The following CLEC3A variants were observed in gnomAD, a reference collection of about 807,000 sequenced individuals.
CLEC3A encodes the protein C-type (calcium dependent, carbohydrate-recognition domain) lectin, superfamily member 1 (cartilage-derived).
Under a neutral mutation model 20.4 loss-of-function variants are expected in CLEC3A, and 28 were observed. That is an observed-to-expected ratio of 1.37 (90% CI 1.02 to 1.88). The LOEUF is 1.88. Ranked by LOEUF, CLEC3A falls within the 40% of genes most tolerant of loss-of-function variation. The pLI, the probability that CLEC3A is intolerant of heterozygous loss-of-function variation, is 0.00. For synonymous variants in CLEC3A, 110 were observed against 88.1 expected, an observed-to-expected ratio of 1.25 and a Z score of -1.39; for missense variants, 357 against 240.4, an observed-to-expected ratio of 1.48 and a Z score of -3.21.
intron 1 of CLEC3A, among the ~76,000 whole-genome samples, chr16:78,026,277 G>T (rs1057124067): frequency 1.1e-4 from 16 of 152,220 alleles, no homozygotes; most frequent in African/African-American, 3.9e-4. Flanking sequence ...TAAGGGGACA[G>T]TGAATTAGCA....
Position 78,030,483 on chromosome 16 carries a change from A to G in CLEC3A, c.236A>G (p.Tyr79Cys). The G allele has an allele frequency of 6.2e-7, 1 of 1,611,774 alleles. No homozygotes were observed. Reference sequence around the variant, plus strand: ...GGCACTAAAGTTCACAAGAAATGCTACCTTGCTTCAGAAGGTTTGAAGCAT... The same window carrying G: ...GGCACTAAAGTTCACAAGAAATGCTGCCTTGCTTCAGAAGGTTTGAAGCAT... ...LRGTKVHKKC[Y>C]LASEGLKHFH... Residue 79 changes from tyrosine (Y) to cysteine (C), a missense_variant, in exon 3 of 3, where the codon TAC becomes TGC. Tyr to Cys is a radical substitution (Grantham distance 194, BLOSUM62 -2). Coordinates refer to ENST00000299642, the MANE Select transcript of CLEC3A (RefSeq NM_005752.6).
At chr16:78,023,014 C>G (rs1194865600) in intron 1 of CLEC3A, among the ~76,000 whole-genome samples, 1 of 151,934 alleles carries the variant, frequency 6.6e-6, no homozygotes, top group African/African-American at 2.4e-5. Context: ...GTTAGGTGGG[C>G]TTAAATAGAA....
intron 1 of CLEC3A, among the ~76,000 whole-genome samples, chr16:78,025,331 G>T (rs2018798466): frequency 6.6e-6 from 1 of 152,078 alleles, no homozygotes; most frequent in African/African-American, 2.4e-5. Flanking sequence ...ATCTCTTTTT[G>T]ATTCAATAGC....
chr16:78,023,138 A>G (rs753010582), intron 1 of CLEC3A, among the ~76,000 whole-genome samples: 30 of 152,236 alleles, frequency 2.0e-4, no homozygotes, highest in Non-Finnish European at 3.7e-4. Flanking sequence ...GAGTAACTCA[A>G]TTCAGTTATA....
Position 78,029,612 on chromosome 16 carries a change from C to G in CLEC3A, c.200-835C>G, listed in dbSNP as rs961822725. Among the ~76,000 whole-genome samples, 4 of 152,200 alleles carry G rather than the reference C, an allele frequency of 2.6e-5. No individual in the cohort carries two copies. In the East Asian group the frequency reaches 5.8e-4, roughly 22 times the overall value. On this transcript the variant is annotated intron_variant, in intron 2 of 2. Coordinates refer to ENST00000299642, the MANE Select transcript of CLEC3A (RefSeq NM_005752.6). ...CTTGAACTCTTGACCTTGTGATCCA[C>G]CCGCTTCTGCCTCCCTAAGTGCTGG...
At chr16:78,029,984 T>G (rs1019105398) in intron 2 of CLEC3A, among the ~76,000 whole-genome samples, 1 of 151,868 alleles carries the variant, frequency 6.6e-6, no homozygotes, top group African/African-American at 2.4e-5. Context: ...AAATCCCGTC[T>G]CTACTAAAAA....
intron 2 of CLEC3A, 41 bp downstream of exon 2, chr16:78,028,231 C>G (rs1242026789): frequency 7.0e-7 from 1 of 1,436,064 alleles, no homozygotes; most frequent in Non-Finnish European, 9.4e-7. Flanking sequence ...CCAAAGGAGA[C>G]AGGAAAATTT....
At chr16:78,025,705 G>A (rs2142588809) in intron 1 of CLEC3A, among the ~76,000 whole-genome samples, 1 of 152,284 alleles carries the variant, frequency 6.6e-6, no homozygotes, top group South Asian at 2.1e-4. Context: ...CTCAATTTAT[G>A]TGTTGCATTC....
rs547017978 is a variant in CLEC3A at position 78,027,616 on chromosome 16, C to CT, written c.116-484dup. ...TTCCTGTCCAAGTTATTTTCTTTTT[C>CT]TTTTTTTCCTTCCTTCTTTCCTTCA... On this transcript the variant is annotated intron_variant, in intron 1 of 2. Transcript: ENST00000299642. Among the ~76,000 whole-genome samples the CT allele has an allele frequency of 8.6e-4, 131 of 152,150 alleles. 1 individual carries two copies. The highest frequency in any genetic ancestry group is 3.1e-3 in the African/African-American group (127 of 41,526).
chr16:78,027,196 T>A (rs1362630504), intron 1 of CLEC3A, among the ~76,000 whole-genome samples: 1 of 151,842 alleles, frequency 6.6e-6, no homozygotes, highest in Non-Finnish European at 1.5e-5. Flanking sequence ...GAACCAAGAA[T>A]AATAAGACAG....
At chr16:78,028,377 A>G (rs1343831059) in intron 2 of CLEC3A, among the ~76,000 whole-genome samples, 187 bp downstream of exon 2, 1 of 152,242 alleles carries the variant, frequency 6.6e-6, no homozygotes, top group African/African-American at 2.4e-5. Flanking sequence ...TCTCCTATAT[A>G]TGGGTGGTAT....
At position 78,031,411 on chromosome 16, in the gene CLEC3A, C is replaced by T. The variant is rs1265016221; in HGVS notation, c.*570C>T. 6.6e-6 allele frequency: 1 copy of T among 152,134 alleles called. No individual in the cohort carries two copies. The highest frequency in any genetic ancestry group is 2.4e-5 in the African/African-American group (1 of 41,418). The allele number at this position is 152,134 out of a possible 1,614,324, so 9.4% of individuals were successfully genotyped here. A position where few individuals can be genotyped will look rare whatever the true frequency, so the allele number is the denominator to read the frequency against. On this transcript the variant is annotated 3_prime_UTR_variant, in exon 3 of 3. Coordinates refer to ENST00000299642, the MANE Select transcript of CLEC3A (RefSeq NM_005752.6). ...CTTGTCTGCCATATCAGAACACAAA[C>T]CCCTGAAGAGGTTCTGATTTGATTT... is the stretch of plus-strand genomic sequence containing the variant.
At chr16:78,027,107 T>C (rs1244189481) in intron 1 of CLEC3A, among the ~76,000 whole-genome samples, 1 of 152,200 alleles carries the variant, frequency 6.6e-6, no homozygotes, top group African/African-American at 2.4e-5. Context: ...AAAACAATTT[T>C]GTATACCATA....
chr16:78,025,514 G>T (rs1041254899), intron 1 of CLEC3A, among the ~76,000 whole-genome samples: 1 of 152,154 alleles, frequency 6.6e-6, no homozygotes, highest in Non-Finnish European at 1.5e-5. Context: ...TATTTTGACA[G>T]TCCAACATCA....
chr16:78,026,617 A>G lies in CLEC3A; in HGVS notation c.116-1490A>G, dbSNP rs2029930543. On this transcript the variant is annotated intron_variant, in intron 1 of 2. Transcript: ENST00000299642. ...ATGATTGTGTCTCTCTCAAAGCACT[A>G]CTGAAAGAATTGATCTCTGACAAAC... is the stretch of plus-strand genomic sequence containing the variant. Among the ~76,000 whole-genome samples, 3 of 152,210 alleles carry G rather than the reference A, an allele frequency of 2.0e-5. No homozygotes were observed. In the South Asian group the frequency reaches 6.2e-4, roughly 32 times the overall value.
chr16:78,029,418 G>C (rs1030920125), intron 2 of CLEC3A, among the ~76,000 whole-genome samples: 4 of 152,160 alleles, frequency 2.6e-5, no homozygotes, highest in African/African-American at 9.7e-5. Context: ...GCCCGGGCTG[G>C]AGTACAATGG....
chr16:78,023,802 G>T (rs1411141889), intron 1 of CLEC3A, among the ~76,000 whole-genome samples: 1 of 150,378 alleles, frequency 6.6e-6, no homozygotes. Flanking sequence ...CTGTCGCCCA[G>T]GCTGGAGGGC....
At chr16:78,030,332 G>C (rs964646285) in intron 2 of CLEC3A, 115 bp from the exon 3 acceptor site, 23 of 939,836 alleles carry the variant, frequency 2.4e-5, no homozygotes, top group Non-Finnish European at 3.4e-5. Flanking sequence ...TTTAACTGTT[G>C]TCTCATCATT....
At position 78,030,916 on chromosome 16, in the gene CLEC3A, A is replaced by G; in HGVS notation, c.*75A>G. On this transcript the variant is annotated 3_prime_UTR_variant, in exon 3 of 3. Transcript: ENST00000299642. ...TCATGATCTCTAAGATCAAGTAAAA[A>G]TCATAATTTTTACTTATTAAAAAAT... is the stretch of plus-strand genomic sequence containing the variant. The G allele has an allele frequency of 1.4e-6, 2 of 1,466,650 alleles. No individual in the cohort carries two copies. Among genetic ancestry groups the G allele is most frequent in the Non-Finnish European group, 1.8e-6 (2 of 1,095,428 alleles). The allele number at this position is 1,466,650 out of a possible 1,614,324, so 90.9% of individuals were successfully genotyped here.
Sources: gnomAD v4.1 joint callset for allele counts (sites outside exome capture counted in the v4.1 genomes callset) on GRCh38, gnomAD v4.1.1 for gene constraint, MANE v1.5 for transcripts, NCBI Gene and HGNC (gene_info 2026-07-23, HGNC 2026-07-21) for gene names.